The following SLC44A5 variants were observed in gnomAD, a reference collection of about 807,000 sequenced individuals.
SLC44A5 encodes solute carrier family 44 member 5, also known as choline transporter-like protein 5.
Under a neutral mutation model 101.8 loss-of-function variants are expected in SLC44A5, and 57 were observed. The ratio of observed to expected loss-of-function variants is 0.56; its 90% CI spans 0.45 to 0.70. SLC44A5 has a LOEUF of 0.70. Ranked by LOEUF, SLC44A5 falls within the 30% of genes least tolerant of loss-of-function variation. The pLI is 0.00. For synonymous variants in SLC44A5, 281 were observed against 290.9 expected (o/e 0.97, Z 0.35); for missense variants, 737 against 853.1 (o/e 0.86, Z 1.70).
intron 2 of SLC44A5, among the ~76,000 whole-genome samples, chr1:75,518,460 C>A (rs556329406): frequency 6.6e-6 from 1 of 152,230 alleles, no homozygotes; most frequent in South Asian, 2.1e-4. Flanking sequence ...TCCTCAATAA[C>A]CCGTAAGCTG....
At chr1:75,704,393 G>T in the SLC44A5 span, among the ~76,000 whole-genome samples, 1 of 152,002 alleles carries the variant, frequency 6.6e-6, no homozygotes, top group Non-Finnish European at 1.5e-5. Context: ...GGAGGCTGAC[G>T]GGGGAGGACT....
intron 2 of SLC44A5, among the ~76,000 whole-genome samples, chr1:75,398,822 T>C (rs1662294951): frequency 6.6e-6 from 1 of 152,148 alleles, no homozygotes; most frequent in Non-Finnish European, 1.5e-5. Context: ...GTATCTTATG[T>C]AGGCTGCCTT....
intron 5 of SLC44A5, among the ~76,000 whole-genome samples, chr1:75,296,422 G>T (rs1653969011): frequency 1.4e-5 from 2 of 146,524 alleles, no homozygotes; most frequent in Non-Finnish European, 3.0e-5. Context: ...CTTCTCTCAA[G>T]ATCCCCAGAA....
chr1:75,277,455 A>G (rs767350569), intron 5 of SLC44A5, among the ~76,000 whole-genome samples: 9 of 152,154 alleles, frequency 5.9e-5, no homozygotes, highest in Non-Finnish European at 1.2e-4. Flanking sequence ...CAAGGTATGA[A>G]CTCAGGTGTG....
rs370140372 is a variant in SLC44A5, at chr1:75,552,294, G to A, written c.-69-10778C>T. Among the ~76,000 whole-genome samples, 146 of 152,060 alleles carry A rather than the reference G, an allele frequency of 9.6e-4. 5 individuals are homozygous for A. The South Asian group carries it at 0.016, about 16-fold the overall frequency. ...TTCACTACTAAATTCTCAGCACTTAGCACCCATAGGTGCTATTGACATATA... is the reference window on the plus strand; with the variant it reads ...TTCACTACTAAATTCTCAGCACTTAACACCCATAGGTGCTATTGACATATA... On this transcript the variant is annotated intron_variant, in intron 1 of 23. Transcript: ENST00000370859.
chr1:75,517,961 C>A (rs1040623024), intron 2 of SLC44A5, among the ~76,000 whole-genome samples: 2 of 152,162 alleles, frequency 1.3e-5, no homozygotes, highest in African/African-American at 4.8e-5. Flanking sequence ...TGTCTTAAGT[C>A]AATGGCAGTG....
the SLC44A5 span, among the ~76,000 whole-genome samples, chr1:75,694,935 C>A: frequency 6.6e-6 from 1 of 152,090 alleles, no homozygotes; most frequent in Non-Finnish European, 1.5e-5. Context: ...TATTACTTGG[C>A]ATACAAGTGG....
chr1:75,365,111 C>T (rs1219434726), intron 3 of SLC44A5, among the ~76,000 whole-genome samples: 2 of 152,094 alleles, frequency 1.3e-5, no homozygotes, highest in Non-Finnish European at 2.9e-5. Context: ...TCTTCTCTTG[C>T]TATCATTTTT....
intron 3 of SLC44A5, among the ~76,000 whole-genome samples, chr1:75,377,278 C>T (rs1345855853): frequency 4.2e-5 from 5 of 120,366 alleles, no homozygotes; most frequent in East Asian, 2.4e-4. Flanking sequence ...GGATTAAGGG[C>T]GGTGCAAGAT....
chr1:75,267,078 G>A (rs1288967513), intron 6 of SLC44A5, among the ~76,000 whole-genome samples: 1 of 152,162 alleles, frequency 6.6e-6, no homozygotes, highest in Non-Finnish European at 1.5e-5. Flanking sequence ...TCTTGAAGAA[G>A]AAATCTGTGC....
At chr1:75,570,533 G>C (rs1673019148) in intron 1 of SLC44A5, among the ~76,000 whole-genome samples, 1 of 152,178 alleles carries the variant, frequency 6.6e-6, no homozygotes, top group South Asian at 2.1e-4. Flanking sequence ...AGGGACTGAT[G>C]CAAGTCTGTT....
chr1:75,597,877 C>T (rs1294642990), intron 1 of SLC44A5, among the ~76,000 whole-genome samples: 3 of 152,040 alleles, frequency 2.0e-5, no homozygotes, highest in Non-Finnish European at 4.4e-5. Context: ...AATATAGACA[C>T]GGGCAAAGAT....
intron 23 of SLC44A5, among the ~76,000 whole-genome samples, chr1:75,207,298 C>T (rs1646766840): frequency 6.6e-6 from 1 of 152,144 alleles, no homozygotes; most frequent in South Asian, 2.1e-4. Flanking sequence ...CTATAAGGCA[C>T]CCTGTCCTAA....
At chr1:75,419,277 G>A (rs1229410302) in intron 2 of SLC44A5, among the ~76,000 whole-genome samples, 1 of 151,882 alleles carries the variant, frequency 6.6e-6, no homozygotes, top group African/African-American at 2.4e-5. Context: ...CCCCAGGCAG[G>A]ATAAACATGA....
At chr1:75,321,538 C>T (rs898993387) in intron 4 of SLC44A5, among the ~76,000 whole-genome samples, 1 of 152,114 alleles carries the variant, frequency 6.6e-6, no homozygotes, top group Non-Finnish European at 1.5e-5. Context: ...GGTCACCACC[C>T]TTGTGATTTA....
At chr1:75,721,309 A>C in the SLC44A5 span, among the ~76,000 whole-genome samples, 7 of 152,230 alleles carry the variant, frequency 4.6e-5, no homozygotes, top group African/African-American at 1.4e-4. Flanking sequence ...CCCACAGACC[A>C]CATGCAACCC....
At chr1:75,355,108 A>C (rs7522308) in intron 3 of SLC44A5, among the ~76,000 whole-genome samples, 37,953 of 152,096 alleles carry the variant, frequency 0.25, 5,895 homozygotes, top group East Asian at 0.77. Flanking sequence ...TTTAGTCAAA[A>C]CTTTTAAAGT....
chr1:75,354,866 G>A (rs1333593475), intron 3 of SLC44A5, among the ~76,000 whole-genome samples: 2 of 152,076 alleles, frequency 1.3e-5, no homozygotes, highest in Non-Finnish European at 2.9e-5. Context: ...AAGGAGCTCC[G>A]GGCTTCTTTT....
Position 75,484,604 on chromosome 1 carries a change from G to A in SLC44A5, c.13+56831C>T, listed in dbSNP as rs146216669. ...GCCGTTGGTGTATCTACCATTCTAG[G>A]GTCTGGAGGATGGTGGCCCTCTTCT... On this transcript the variant is annotated intron_variant, in intron 2 of 23. Coordinates refer to ENST00000370859, the MANE Select transcript of SLC44A5 (RefSeq NM_001130058.2). 1.1e-4 allele frequency among the ~76,000 whole-genome samples: 16 copies of A among 152,266 alleles called. No individual in the cohort carries two copies. The East Asian group carries it at 2.3e-3, about 22-fold the overall frequency.
Sources: allele counts gnomAD v4.1 joint callset (sites outside exome capture counted in the v4.1 genomes callset), GRCh38; gene constraint gnomAD v4.1.1; transcripts MANE v1.5; gene names NCBI Gene and HGNC (gene_info 2026-07-23, HGNC 2026-07-21).